The following KLF8 variants were observed in gnomAD, a reference collection of about 807,000 sequenced individuals.
The protein encoded by KLF8 is KLF transcription factor 8.
KLF8 carries 10 observed loss-of-function variants against 18.2 expected under a neutral mutation model. That is an observed-to-expected ratio of 0.55 (90% CI 0.34 to 0.93). KLF8 has a LOEUF of 0.93. Ranked by LOEUF, KLF8 falls within the 40% of genes least tolerant of loss-of-function variation. The pLI is 0.02. For synonymous variants in KLF8, 109 were observed against 97.3 expected, an observed-to-expected ratio of 1.12 and a Z score of -0.71; for missense variants, 264 against 277.9, an observed-to-expected ratio of 0.95 and a Z score of 0.36.
the KLF8 span, among the ~76,000 whole-genome samples, chrX:56,227,116 T>C: frequency 9.0e-6 from 1 of 111,689 alleles, no homozygotes; most frequent in South Asian, 3.8e-4. Context: ...AAGGCCAATC[T>C]CCTGTTGGCT....
the KLF8 span, among the ~76,000 whole-genome samples, chrX:55,946,469 T>G: frequency 8.9e-6 from 1 of 111,781 alleles, no homozygotes; most frequent in African/African-American, 3.3e-5. Flanking sequence ...TCCTTACACC[T>G]TATACAAAAA....
At chrX:56,193,687 C>T in the KLF8 span, among the ~76,000 whole-genome samples, 1 of 111,359 alleles carries the variant, frequency 9.0e-6, no homozygotes, top group Admixed American at 9.5e-5. Flanking sequence ...GAATTGGAAG[C>T]TATTATGCTA....
the KLF8 span, among the ~76,000 whole-genome samples, chrX:55,909,185 A>G: frequency 8.9e-6 from 1 of 112,071 alleles, no homozygotes; most frequent in African/African-American, 3.3e-5. Context: ...TGCACTATTT[A>G]ACTGGAAATT....
intron 1 of KLF8, among the ~76,000 whole-genome samples, chrX:56,236,690 C>T (rs2066478547): frequency 9.0e-6 from 1 of 110,798 alleles, no homozygotes; most frequent in Non-Finnish European, 1.9e-5. Context: ...CCGCCTGGCT[C>T]AAAATTCAGT....
At chrX:56,250,199 T>C in intron 1 of KLF8, 32 bp from the exon 2 acceptor site, 1 of 1,090,559 alleles carries the variant, frequency 9.2e-7, no homozygotes. Context: ...GATTTTATTC[T>C]GAAAGTTGTC....
the KLF8 span, among the ~76,000 whole-genome samples, chrX:56,087,499 A>T: frequency 1.8e-5 from 2 of 110,004 alleles, no homozygotes; most frequent in African/African-American, 3.3e-5. Context: ...TTTCACCATG[A>T]TTGTATGTTT....
the KLF8 span, among the ~76,000 whole-genome samples, chrX:56,056,944 G>A: frequency 1.8e-5 from 2 of 111,140 alleles, no homozygotes; most frequent in East Asian, 2.8e-4. Context: ...TTTGTAATGC[G>A]GTTACTGAAG....
chrX:55,999,145 ATT>A, the KLF8 span, among the ~76,000 whole-genome samples: 7 of 108,212 alleles, frequency 6.5e-5, no homozygotes, highest in African/African-American at 2.4e-4. Context: ...AAGAGCAGTT[ATT>A]TGTGGGTATT....
At chrX:55,917,203 T>C in the KLF8 span, among the ~76,000 whole-genome samples, 1 of 112,316 alleles carries the variant, frequency 8.9e-6, no homozygotes, top group Non-Finnish European at 1.9e-5. Context: ...TTTTTCAAAG[T>C]GAAATGGGAA....
chrX:55,991,587 G>C, the KLF8 span, among the ~76,000 whole-genome samples: 2 of 111,473 alleles, frequency 1.8e-5, no homozygotes, highest in Non-Finnish European at 3.8e-5. Flanking sequence ...CCCGTCTTCT[G>C]TGTTGCTCAC....
the KLF8 span, among the ~76,000 whole-genome samples, chrX:56,167,233 C>A: frequency 1.8e-5 from 2 of 111,436 alleles, no homozygotes; most frequent in South Asian, 7.6e-4. Flanking sequence ...TGGGTTCAAG[C>A]GATTCTCCTG....
At chrX:56,064,388 A>T in the KLF8 span, among the ~76,000 whole-genome samples, 1 of 108,359 alleles carries the variant, frequency 9.2e-6, no homozygotes, top group African/African-American at 3.4e-5. Flanking sequence ...TCATCCCATT[A>T]CTTTTACTAG....
At chrX:56,055,494 C>G in the KLF8 span, among the ~76,000 whole-genome samples, 1 of 111,525 alleles carries the variant, frequency 9.0e-6, no homozygotes, top group Non-Finnish European at 1.9e-5. Context: ...CTGCCTTTAA[C>G]ATTTTTACTT....
At chrX:56,158,145 G>A in the KLF8 span, among the ~76,000 whole-genome samples, 1 of 111,712 alleles carries the variant, frequency 9.0e-6, no homozygotes, top group African/African-American at 3.3e-5. Flanking sequence ...ATTAAATAGG[G>A]AATCGTTTCC....
At chrX:55,979,304 G>C in the KLF8 span, among the ~76,000 whole-genome samples, 1 of 111,637 alleles carries the variant, frequency 9.0e-6, no homozygotes, top group African/African-American at 3.3e-5. Context: ...TCATCTCTTT[G>C]CCCAGCTTAT....
At chrX:56,076,277 C>T in the KLF8 span, among the ~76,000 whole-genome samples, 1 of 91,512 alleles carries the variant, frequency 1.1e-5, no homozygotes, top group Non-Finnish European at 2.2e-5. Flanking sequence ...TCTCCCAATG[C>T]TATCCCTCCG....
the KLF8 span, among the ~76,000 whole-genome samples, chrX:56,144,515 C>T: frequency 2.9e-4 from 31 of 108,482 alleles, no homozygotes; most frequent in East Asian, 8.3e-3. Flanking sequence ...TTTGGGAGGC[C>T]GAGGCGGGTG....
chrX:56,237,253 T>C (rs1287951631), intron 1 of KLF8, among the ~76,000 whole-genome samples: 3 of 105,787 alleles, frequency 2.8e-5, no homozygotes, highest in African/African-American at 1.0e-4. Context: ...ATATAATACA[T>C]ATATAATATT....
the KLF8 span, among the ~76,000 whole-genome samples, chrX:55,963,118 T>G: frequency 8.9e-6 from 1 of 112,391 alleles, no homozygotes; most frequent in Non-Finnish European, 1.9e-5. Flanking sequence ...GATTTTTAAC[T>G]AATGTAGATT....
Sources: allele counts gnomAD v4.1 joint callset (sites outside exome capture counted in the v4.1 genomes callset), GRCh38; gene constraint gnomAD v4.1.1; transcripts MANE v1.5; gene names NCBI Gene and HGNC (gene_info 2026-07-23, HGNC 2026-07-21).